The following C1QTNF7 variants were observed in gnomAD, a reference collection of about 807,000 sequenced individuals.
C1QTNF7 encodes complement C1q tumor necrosis factor-related protein 7.
In C1QTNF7, 15 loss-of-function variants were observed where a neutral mutation model predicts 19.6. The observed-to-expected ratio is 0.76, with a 90% CI of 0.51 to 1.18. The LOEUF (loss-of-function observed/expected upper bound fraction) is 1.18. Ranked by LOEUF, C1QTNF7 falls within the 50% of genes most tolerant of loss-of-function variation. The pLI, the probability that C1QTNF7 is intolerant of heterozygous loss-of-function variation, is 0.00. For missense variants in C1QTNF7, 324 were observed against 359.7 expected (o/e 0.90, Z 0.80); for synonymous variants, 142 against 137.5 (o/e 1.03, Z -0.23).
chr4:15,359,098 C>T (rs1323579928), intron 1 of C1QTNF7, among the ~76,000 whole-genome samples: 1 of 152,110 alleles, frequency 6.6e-6, no homozygotes, highest in Non-Finnish European at 1.5e-5. Context: ...ACACTGCCAC[C>T]CTCTATTCTC....
chr4:15,413,151 G>A (rs887045763), intron 1 of C1QTNF7, among the ~76,000 whole-genome samples: 5 of 152,186 alleles, frequency 3.3e-5, no homozygotes, highest in East Asian at 3.8e-4. Context: ...ATCAAGCATC[G>A]AGGATTGATA....
At chr4:15,385,864 A>G (rs1424294880) in intron 1 of C1QTNF7, among the ~76,000 whole-genome samples, 1 of 152,226 alleles carries the variant, frequency 6.6e-6, no homozygotes, top group Non-Finnish European at 1.5e-5. Flanking sequence ...TTTAACAACC[A>G]CCTTCATTAC....
intron 1 of C1QTNF7, among the ~76,000 whole-genome samples, chr4:15,375,376 G>A (rs1407329093): frequency 6.6e-6 from 1 of 152,090 alleles, no homozygotes; most frequent in Non-Finnish European, 1.5e-5. Flanking sequence ...GGCCATGGGA[G>A]GATAATGCAA....
rs151327706 is a variant in C1QTNF7, at chr4:15,346,800, G to C, written c.13+6593G>C. Among the ~76,000 whole-genome samples the C allele has an allele frequency of 1.7e-3, 256 of 152,104 alleles. 1 individual carries two copies. Among genetic ancestry groups the C allele is most frequent in the African/African-American group, 5.8e-3 (240 of 41,480 alleles). ...AATAAAGACCATATTCTTCAACATG[G>C]CCCCAGGGGCCTTTGAAGGATCTGC... On this transcript the variant is annotated intron_variant, in intron 1 of 2. Coordinates refer to the C1QTNF7 transcript ENST00000295297.
exon 1 of C1QTNF7, chr4:15,339,938 GAGA>G (rs894241784): frequency 5.2e-6 from 3 of 581,410 alleles, no homozygotes; most frequent in Non-Finnish European, 3.0e-6. Flanking sequence ...AAGTCCCTGG[GAGA>G]AGGAGTGGGA....
At chr4:15,417,421 G>T (rs1719640486) in intron 1 of C1QTNF7, among the ~76,000 whole-genome samples, 2 of 152,338 alleles carry the variant, frequency 1.3e-5, no homozygotes, top group African/African-American at 4.8e-5. Flanking sequence ...TGAAACATGT[G>T]ACTATGTTAG....
chr4:15,363,364 A>G (rs1717408266), intron 1 of C1QTNF7, among the ~76,000 whole-genome samples: 1 of 152,102 alleles, frequency 6.6e-6, no homozygotes, highest in South Asian at 2.1e-4. Context: ...TAAGAGACCT[A>G]GGTTTATTCT....
chr4:15,367,338 C>G (rs4698373), intron 1 of C1QTNF7, among the ~76,000 whole-genome samples: 70,940 of 152,062 alleles, frequency 0.47, 17,690 homozygotes, highest in African/African-American at 0.63. Flanking sequence ...TCCAAATACT[C>G]TCTCATGACA....
intron 1 of C1QTNF7, among the ~76,000 whole-genome samples, chr4:15,354,361 A>T (rs906070057): frequency 1.3e-5 from 2 of 152,138 alleles, no homozygotes; most frequent in African/African-American, 2.4e-5. Context: ...GATGCCATCA[A>T]AGGTTTTTGA....
intron 1 of C1QTNF7, among the ~76,000 whole-genome samples, chr4:15,388,898 T>C: frequency 6.6e-6 from 1 of 152,116 alleles, no homozygotes; most frequent in Non-Finnish European, 1.5e-5. Flanking sequence ...GACATGAGAT[T>C]CACCTCTGGA....
At chr4:15,431,146 T>C (rs534373383) in intron 1 of C1QTNF7, among the ~76,000 whole-genome samples, 1 of 151,920 alleles carries the variant, frequency 6.6e-6, no homozygotes, top group Non-Finnish European at 1.5e-5. Flanking sequence ...AGAAAGAAAA[T>C]AGTCCAAATA....
chr4:15,421,994 C>T (rs1195262731), intron 1 of C1QTNF7, among the ~76,000 whole-genome samples: 5 of 151,894 alleles, frequency 3.3e-5, no homozygotes, highest in Admixed American at 3.3e-4. Flanking sequence ...AATTACAGGA[C>T]AGATATATGA....
intron 1 of C1QTNF7, among the ~76,000 whole-genome samples, chr4:15,346,130 T>C (rs1305781595): frequency 6.6e-6 from 1 of 152,220 alleles, no homozygotes; most frequent in Admixed American, 6.5e-5. Context: ...GCCATAAACA[T>C]AGTATGGCTT....
intron 1 of C1QTNF7, among the ~76,000 whole-genome samples, chr4:15,363,629 C>A (rs1717417102): frequency 6.6e-6 from 1 of 152,112 alleles, no homozygotes; most frequent in Non-Finnish European, 1.5e-5. Flanking sequence ...CACAAAGGCT[C>A]CCAGGAAGGT....
rs1405511702 is a variant in C1QTNF7 at position 15,444,274 on chromosome 4, A to G, written c.*1475A>G. 6.6e-6 allele frequency: 1 copy of G among 152,228 alleles called. No homozygotes were observed. 9.4% of individuals were successfully genotyped at this position (152,228 alleles called of 1,614,324 possible). On this transcript the variant is annotated 3_prime_UTR_variant, in exon 3 of 3. Coordinates refer to ENST00000444304, the MANE Select transcript of C1QTNF7 (RefSeq NM_031911.5). ...GTATCAAGATTAATATATTAATAGT[A>G]TAGCTCTGACTGGTAAATTTCTTTT...
chr4:15,370,441 T>C (rs1717680247), intron 1 of C1QTNF7, among the ~76,000 whole-genome samples: 1 of 152,190 alleles, frequency 6.6e-6, no homozygotes. Context: ...CAACCCTGTG[T>C]GTGCCCTCCT....
chr4:15,408,353 ATATG>A (rs1043862282), intron 1 of C1QTNF7, among the ~76,000 whole-genome samples: 1 of 151,740 alleles, frequency 6.6e-6, no homozygotes, highest in Non-Finnish European at 1.5e-5. Context: ...AGATAAGTAT[ATATG>A]TATGTATGTA....
chr4:15,434,163 C>T (rs1712436252), intron 1 of C1QTNF7, among the ~76,000 whole-genome samples: 1 of 151,826 alleles, frequency 6.6e-6, no homozygotes, highest in Non-Finnish European at 1.5e-5. Flanking sequence ...AAAATGTTCT[C>T]CTTGCTTTTT....
intron 1 of C1QTNF7, among the ~76,000 whole-genome samples, chr4:15,400,751 T>C (rs983513410): frequency 1.3e-5 from 2 of 152,184 alleles, no homozygotes; most frequent in Non-Finnish European, 2.9e-5. Flanking sequence ...AAATCCCAAA[T>C]CTCAGTGGCT....
Sources: allele counts gnomAD v4.1 joint callset (sites outside exome capture counted in the v4.1 genomes callset), GRCh38; gene constraint gnomAD v4.1.1; transcripts MANE v1.5; gene names NCBI Gene and HGNC (gene_info 2026-07-23, HGNC 2026-07-21).